The following FSTL4 variants were observed in gnomAD, a reference collection of about 807,000 sequenced individuals.
The protein encoded by FSTL4 is follistatin like 4.
In FSTL4, 28 loss-of-function variants were observed where a neutral mutation model predicts 78.2. The observed-to-expected ratio is 0.36, with a 90% confidence interval of 0.27 to 0.49. The LOEUF (loss-of-function observed/expected upper bound fraction) is 0.49. Among genes scored for constraint, FSTL4 ranks in the 20% least tolerant of loss-of-function variants. FSTL4 has a pLI of 0.98. For missense variants in FSTL4, 922 were observed against 1,084.9 expected (o/e 0.85, Z 2.11); for synonymous variants, 422 against 440.5 (o/e 0.96, Z 0.53).
chr5:133,745,095 C>A, the FSTL4 span, among the ~76,000 whole-genome samples: 1 of 152,160 alleles, frequency 6.6e-6, no homozygotes, highest in African/African-American at 2.4e-5. Context: ...ACCAAGGGTG[C>A]TTATTTTAGA....
At chr5:133,298,063 G>A (rs903329758) in intron 6 of FSTL4, among the ~76,000 whole-genome samples, 1 of 152,198 alleles carries the variant, frequency 6.6e-6, no homozygotes, top group African/African-American at 2.4e-5. Context: ...CTTGGAAGCT[G>A]AACTCCTGGG....
the FSTL4 span, among the ~76,000 whole-genome samples, chr5:133,676,977 C>A: frequency 1.3e-5 from 2 of 152,150 alleles, no homozygotes; most frequent in African/African-American, 4.8e-5. Flanking sequence ...TCCCCAAATG[C>A]CATAAGAAAT....
chr5:133,467,061 T>C (rs951733927), intron 3 of FSTL4, among the ~76,000 whole-genome samples: 2 of 151,902 alleles, frequency 1.3e-5, no homozygotes, highest in Admixed American at 6.6e-5. Context: ...AGTATATGTA[T>C]GTATGTGTGC....
chr5:133,597,643 G>T (rs545248270), intron 2 of FSTL4, among the ~76,000 whole-genome samples: 24 of 152,304 alleles, frequency 1.6e-4, no homozygotes, highest in African/African-American at 5.8e-4. Flanking sequence ...TACCAAAGAG[G>T]CACACAGTGC....
At chr5:133,449,535 A>G (rs1757338927) in intron 3 of FSTL4, among the ~76,000 whole-genome samples, 1 of 152,198 alleles carries the variant, frequency 6.6e-6, no homozygotes, top group Admixed American at 6.5e-5. Context: ...TTGGGACCCA[A>G]TAAAGCAACC....
At chr5:133,740,165 T>C in the FSTL4 span, among the ~76,000 whole-genome samples, 3 of 152,272 alleles carry the variant, frequency 2.0e-5, no homozygotes. Context: ...ATTACAGGCA[T>C]GCACCACCAC....
chr5:133,618,780 C>A, the FSTL4 span, among the ~76,000 whole-genome samples: 1 of 152,234 alleles, frequency 6.6e-6, no homozygotes, highest in Non-Finnish European at 1.5e-5. Flanking sequence ...AATCACTACA[C>A]AATTCTGTAT....
At chr5:133,780,606 A>G in the FSTL4 span, among the ~76,000 whole-genome samples, 1 of 152,170 alleles carries the variant, frequency 6.6e-6, no homozygotes, top group Non-Finnish European at 1.5e-5. Context: ...CTTTATTAAT[A>G]CTGCCTGGAG....
intron 3 of FSTL4, among the ~76,000 whole-genome samples, chr5:133,515,715 A>G (rs1368734703): frequency 6.6e-6 from 1 of 152,040 alleles, no homozygotes; most frequent in African/African-American, 2.4e-5. Flanking sequence ...TACAAAAAAT[A>G]TAGATTAAAT....
the FSTL4 span, among the ~76,000 whole-genome samples, chr5:133,683,544 G>A: frequency 2.0e-5 from 3 of 152,030 alleles, no homozygotes; most frequent in African/African-American, 4.8e-5. Flanking sequence ...TAGAGAAGTC[G>A]GCACGTTCAC....
chr5:133,429,911 T>C (rs182802499), intron 3 of FSTL4, among the ~76,000 whole-genome samples: 5 of 152,298 alleles, frequency 3.3e-5, no homozygotes, highest in Admixed American at 6.5e-5. Context: ...GTGCCAGAGT[T>C]CACATATTCT....
chr5:133,421,483 C>T (rs1008028576), intron 3 of FSTL4, among the ~76,000 whole-genome samples: 1 of 151,974 alleles, frequency 6.6e-6, no homozygotes, highest in African/African-American at 2.4e-5. Flanking sequence ...ATCCCAGGCC[C>T]GACAGCTGAG....
chr5:133,358,233 C>T (rs113334649), intron 4 of FSTL4, among the ~76,000 whole-genome samples: 1,546 of 152,296 alleles, frequency 0.01, 23 homozygotes, highest in African/African-American at 0.034. Context: ...CTTAACTTCA[C>T]CTGCAAAGTC....
the FSTL4 span, among the ~76,000 whole-genome samples, chr5:133,725,285 T>C: frequency 6.6e-5 from 10 of 152,330 alleles, no homozygotes; most frequent in Middle Eastern, 3.4e-3. Context: ...GTGTTGACTG[T>C]AGCAGAAAAA....
chr5:133,501,743 G>A (rs1758502560), intron 3 of FSTL4, among the ~76,000 whole-genome samples: 1 of 152,170 alleles, frequency 6.6e-6, no homozygotes, highest in East Asian at 1.9e-4. Context: ...ACTGTTATGG[G>A]TTGAATTGGG....
intron 1 of FSTL4, among the ~76,000 whole-genome samples, chr5:133,604,325 G>T (rs1760930489): frequency 6.6e-6 from 1 of 152,176 alleles, no homozygotes; most frequent in Admixed American, 6.5e-5. Context: ...GGGTGAGGCA[G>T]GTGGGTCACC....
At chr5:133,648,511 A>C in the FSTL4 span, among the ~76,000 whole-genome samples, 1 of 152,288 alleles carries the variant, frequency 6.6e-6, no homozygotes, top group Middle Eastern at 3.4e-3. Context: ...GGGGTCACAT[A>C]GCCCATAAAA....
At chr5:133,632,613 T>A in the FSTL4 span, among the ~76,000 whole-genome samples, 1 of 152,204 alleles carries the variant, frequency 6.6e-6, no homozygotes, top group Non-Finnish European at 1.5e-5. Context: ...CAGTTGTTAT[T>A]CTTTCATCAG....
At chr5:133,612,797 A>G (rs981025402), upstream of FSTL4, among the ~76,000 whole-genome samples, 1 of 151,734 alleles carries the variant, frequency 6.6e-6, no homozygotes, top group Non-Finnish European at 1.5e-5. The surrounding 1 kb of genome is among the most constrained non-coding windows in gnomAD (Gnocchi z 6.2). Flanking sequence ...GCCCCTCTTC[A>G]CCTCTGCTCT....
Sources: allele counts gnomAD v4.1 joint callset (sites outside exome capture counted in the v4.1 genomes callset), GRCh38; gene constraint gnomAD v4.1.1; non-coding constraint Gnocchi (gnomAD v3.1); transcripts MANE v1.5; gene names NCBI Gene and HGNC (gene_info 2026-07-23, HGNC 2026-07-21).